Variants in AUNIP observed in about 807,000 individuals in gnomAD.
The protein encoded by AUNIP is aurora kinase A- and ninein-interacting protein.
AUNIP carries 16 observed loss-of-function variants against 12.2 expected under a neutral mutation model. That is an observed-to-expected ratio of 1.31 (90% CI 0.88 to 1.99). The LOEUF (loss-of-function observed/expected upper bound fraction) is 1.99. Among genes scored for constraint, AUNIP ranks in the 30% most tolerant of loss-of-function variants. AUNIP has a pLI of 0.00. For synonymous variants in AUNIP, 142 were observed against 154.8 expected (o/e 0.92, Z 0.61); for missense variants, 411 against 419.1 (o/e 0.98, Z 0.17).
Position 25,835,173 on chromosome 1 carries a change from A to C in AUNIP, c.894T>G (p.Ile298Met). 6.2e-7 allele frequency: 1 copy of C among 1,614,204 alleles called. No homozygotes were observed. Among genetic ancestry groups the C allele is most frequent in the Admixed American group, 1.7e-5 (1 of 60,028 alleles). Residue 298 changes from isoleucine (I) to methionine (M), a missense_variant, in exon 3 of 3, where the codon ATT becomes ATG. Ile to Met is a conservative substitution (Grantham distance 10, BLOSUM62 1). Coordinates refer to ENST00000374298, the MANE Select transcript of AUNIP (RefSeq NM_024037.3). ...FTEDSQGQRV[I>M]AHNTRAPFQD... is the part of the protein sequence containing the mutation. Reference sequence around the variant, plus strand: ...GAAAAGGAGCTCTAGTGTTGTGGGCAATGACCCGCTGGCCTTGAGAATCTT... The same window carrying C: ...GAAAAGGAGCTCTAGTGTTGTGGGCCATGACCCGCTGGCCTTGAGAATCTT...
chr1:25,846,217 G>C lies in AUNIP; in HGVS notation c.79-8663C>G, dbSNP rs367560057. Among the ~76,000 whole-genome samples, 241 of 152,064 alleles carry C rather than the reference G, an allele frequency of 1.6e-3. 6 individuals carry two copies. The South Asian group carries it at 0.047, about 30-fold the overall frequency. On this transcript the variant is annotated intron_variant, in intron 1 of 2. Coordinates refer to ENST00000374298, the MANE Select transcript of AUNIP (RefSeq NM_024037.3). Reference sequence around the variant, plus strand: ...GGCAGATCACTTGAGGTAGGAGTTCGAGATCAGCCTGGCCAACATAGTGAA... The same window carrying C: ...GGCAGATCACTTGAGGTAGGAGTTCCAGATCAGCCTGGCCAACATAGTGAA...
intron 1 of AUNIP, among the ~76,000 whole-genome samples, chr1:25,843,617 AAAAAAAG>A (rs1204268011): frequency 8.0e-5 from 12 of 149,258 alleles, no homozygotes; most frequent in Non-Finnish European, 1.2e-4. Context: ...AAAAAAAAAA[AAAAAAAG>A]GGATTCATGA....
chr1:25,843,757 T>C (rs1238098345), intron 1 of AUNIP, among the ~76,000 whole-genome samples: 3 of 152,024 alleles, frequency 2.0e-5, no homozygotes, highest in African/African-American at 4.8e-5. Flanking sequence ...GTGATGGAAA[T>C]AGCAAGAGAA....
rs368653551 is a variant in AUNIP at position 25,835,049 on chromosome 1, C to G, written c.1018G>C (p.Asp340His). 32 of 1,614,230 alleles carry G rather than the reference C, an allele frequency of 2.0e-5. No individual in the cohort carries two copies. Among genetic ancestry groups the G allele is most frequent in the Non-Finnish European group, 2.7e-5 (32 of 1,180,048 alleles). ...EDGPTQNLKP[D>H]LLFTQDSEGN... ...TCAGAGTCCTGGGTAAAGAGCAAAT[C>G]AGGCTTCAGATTTTGAGTTGGCCCA... The change falls in exon 3 of 3, where the codon GAT becomes CAT. Residue 340 changes from aspartate to histidine, a missense_variant. Asp to His is a moderately conservative substitution (Grantham distance 81). Transcript: ENST00000374298.
At chr1:25,842,645 G>C (rs570834162) in intron 1 of AUNIP, among the ~76,000 whole-genome samples, 19 of 152,208 alleles carry the variant, frequency 1.2e-4, no homozygotes, top group Non-Finnish European at 2.2e-4. Context: ...TGGCTCCAAA[G>C]CATCAAAGGA....
chr1:25,859,341 G>C lies in AUNIP; in HGVS notation c.17C>G (p.Pro6Arg), dbSNP rs1274756582. The C allele has an allele frequency of 6.4e-7, 1 of 1,550,742 alleles. No homozygotes were observed. The highest frequency in any genetic ancestry group is 1.4e-5 in the African/African-American group (1 of 72,962). Reference sequence around the variant, plus strand: ...CCACACGCCGCAGGCCTCCTCCTCGGGGCCTGTCCGCCTCATGGCCGCTGA... The same window carrying C: ...CCACACGCCGCAGGCCTCCTCCTCGCGGCCTGTCCGCCTCATGGCCGCTGA... MRRTG[P>R]EEEACGVWLD... The change falls in exon 1 of 3, where the codon CCC (proline) becomes CGC (arginine). Residue 6 changes from proline (P) to arginine (R), a missense_variant. Transcript: ENST00000374298.
intron 1 of AUNIP, among the ~76,000 whole-genome samples, chr1:25,841,625 G>A (rs1387145355): frequency 6.6e-6 from 1 of 151,796 alleles, no homozygotes; most frequent in Non-Finnish European, 1.5e-5. Flanking sequence ...CTGGGTTCAC[G>A]CCATTCTCCT....
intron 2 of AUNIP, 74 bp downstream of exon 2, chr1:25,837,339 G>A: frequency 6.8e-7 from 1 of 1,474,838 alleles, no homozygotes; most frequent in Non-Finnish European, 9.2e-7. Flanking sequence ...TCTCATAAAT[G>A]GTCTAACATG....
At chr1:25,852,200 C>T (rs1158722574) in intron 1 of AUNIP, among the ~76,000 whole-genome samples, 1 of 151,904 alleles carries the variant, frequency 6.6e-6, no homozygotes, top group African/African-American at 2.4e-5. Flanking sequence ...GGGATCCTCC[C>T]ACCTCAGCCT....
At position 25,851,890 on chromosome 1, in the gene AUNIP, A is replaced by G. The variant is rs868860016; in HGVS notation, c.78+7390T>C. On this transcript the variant is annotated intron_variant, in intron 1 of 2. Coordinates refer to ENST00000374298, the MANE Select transcript of AUNIP (RefSeq NM_024037.3). ...GCTGGGACTACAGGCACACACCAAC[A>G]TAACTGGCTAATTTCTGTATTTTTA... Among the ~76,000 whole-genome samples the G allele has an allele frequency of 5.3e-5, 8 of 152,024 alleles. No homozygotes were observed. The South Asian group carries it at 1.0e-3, about 20-fold the overall frequency.
At chr1:25,832,090 A>C (rs559199865), downstream of AUNIP, 55 of 1,612,580 alleles carry the variant, frequency 3.4e-5, no homozygotes, top group South Asian at 4.9e-4. Flanking sequence ...TGCCTTCCTC[A>C]CCGCAGATGT....
intron 2 of AUNIP, among the ~76,000 whole-genome samples, chr1:25,836,682 A>G (rs1193890180): frequency 6.6e-6 from 1 of 152,092 alleles, no homozygotes; most frequent in East Asian, 1.9e-4. Context: ...AATATAGACT[A>G]TAAAATACAC....
rs182850232 is a variant in AUNIP, at chr1:25,837,272, T to C, written c.220+141A>G. 1.9e-5 allele frequency: 20 copies of C among 1,035,364 alleles called. No individual in the cohort carries two copies. The Admixed American group carries it at 2.7e-4, about 14-fold the overall frequency. The allele number at this position is 1,035,364 out of a possible 1,614,324, so 64.1% of individuals were successfully genotyped here. A position where few individuals can be genotyped will look rare whatever the true frequency, so the allele number is the denominator to read the frequency against. On this transcript the variant is annotated intron_variant, in intron 2 of 2. Transcript: ENST00000374298. ...TTGCTTTTCAAAAGGCAACAACTTA[T>C]GTTTTATAACCTCTTCTAACAGGCT...
chr1:25,849,635 A>C (rs2124510190), intron 1 of AUNIP, among the ~76,000 whole-genome samples: 1 of 151,946 alleles, frequency 6.6e-6, no homozygotes, highest in African/African-American at 2.4e-5. Flanking sequence ...ATTTTGTGTT[A>C]TTTTGTTTGT....
chr1:25,834,658 T>A lies in AUNIP; in HGVS notation c.*335A>T, dbSNP rs115903042. ...AACACATCCATAAGCAAGGTCCCAG[T>A]CAGACATCTGGAAGGGCAAAGAGAT... On this transcript the variant is annotated 3_prime_UTR_variant, in exon 3 of 3. Transcript: ENST00000374298. The A allele has an allele frequency of 0.011, 11,465 of 1,045,560 alleles. 72 individuals carry two copies. Among genetic ancestry groups the A allele is most frequent in the Non-Finnish European group, 0.012 (10,867 of 869,528 alleles). 64.8% of individuals were successfully genotyped at this position (1,045,560 alleles called of 1,614,324 possible). A position where few individuals can be genotyped will look rare whatever the true frequency, so the allele number is the denominator to read the frequency against.
intron 1 of AUNIP, among the ~76,000 whole-genome samples, chr1:25,844,777 C>T (rs1301717792): frequency 6.6e-6 from 1 of 152,090 alleles, no homozygotes; most frequent in African/African-American, 2.4e-5. Context: ...TTATGCTTCC[C>T]AGGGCCCCTA....
At position 25,835,618 on chromosome 1, in the gene AUNIP, G is replaced by A. The variant is rs138531601; in HGVS notation, c.449C>T (p.Ser150Leu). Residue 150 changes from serine to leucine, a missense_variant, in exon 3 of 3, where the codon TCA becomes TTA. Transcript: ENST00000374298. ...AGGCTGGAGCAAAGATAGCTCAGTT[G>A]AAAATGGGGTTTTCATTCTGTGGTG... ...SGHHRMKTPF[S>L]TELSLLQPDT... 2.4e-4 allele frequency: 390 copies of A among 1,614,254 alleles called. 1 individual carries two copies. The African/African-American group carries it at 3.9e-3, about 16-fold the overall frequency.
chr1:25,834,119 A>G lies in AUNIP; in HGVS notation c.*874T>C. ...ATTGTTGTACAGCTCAGGCTTTTTAAGGGAGATATTTAAACATAGAGTATA... is the reference window on the plus strand; with the variant it reads ...ATTGTTGTACAGCTCAGGCTTTTTAGGGGAGATATTTAAACATAGAGTATA... On this transcript the variant is annotated 3_prime_UTR_variant, in exon 3 of 3. Transcript: ENST00000374298. 1.0e-5 allele frequency: 10 copies of G among 985,214 alleles called. No homozygotes were observed. Among genetic ancestry groups the G allele is most frequent in the Non-Finnish European group, 1.2e-5 (10 of 829,732 alleles). 61.0% of individuals were successfully genotyped at this position (985,214 alleles called of 1,614,324 possible). A position where few individuals can be genotyped will look rare whatever the true frequency, so the allele number is the denominator to read the frequency against.
chr1:25,859,393 G>C lies in AUNIP; in HGVS notation c.-36C>G. The C allele has an allele frequency of 6.8e-7, 1 of 1,475,162 alleles. No homozygotes were observed. Among genetic ancestry groups the C allele is most frequent in the Non-Finnish European group, 8.9e-7 (1 of 1,121,302 alleles). 91.4% of individuals were successfully genotyped at this position (1,475,162 alleles called of 1,614,324 possible). On this transcript the variant is annotated 5_prime_UTR_variant, in exon 1 of 3. Coordinates refer to ENST00000374298, the MANE Select transcript of AUNIP (RefSeq NM_024037.3). ...GAGACGAAGCCGGCAGGACGCCGGC[G>C]CAGGCTCCCGGCGCCTCAGGGAACG...
Sources: gnomAD v4.1 joint callset for allele counts (sites outside exome capture counted in the v4.1 genomes callset) on GRCh38, gnomAD v4.1.1 for gene constraint, MANE v1.5 for transcripts, NCBI Gene and HGNC (gene_info 2026-07-23, HGNC 2026-07-21) for gene names.